The following GSAP variants were observed in gnomAD, a reference collection of about 807,000 sequenced individuals.
GSAP encodes the protein gamma-secretase activating protein, also known as gamma-secretase-activating protein.
In GSAP, 118 loss-of-function variants were observed where a neutral mutation model predicts 131.7. That is an observed-to-expected ratio of 0.90 (90% confidence interval 0.77 to 1.04). The LOEUF (loss-of-function observed/expected upper bound fraction) is 1.04, where lower values mean the gene tolerates loss of function less well. Among genes scored for constraint, GSAP ranks in the 50% least tolerant of loss-of-function variants. The probability of loss-of-function intolerance (pLI) is 0.00; values close to 1 mark genes in which losing one functional copy is unlikely to be tolerated. For synonymous variants in GSAP, 381 were observed against 363.4 expected, an observed-to-expected ratio of 1.05 and a Z score of -0.55; for missense variants, 1,019 against 1,013.2, an observed-to-expected ratio of 1.01 and a Z score of -0.08.
At position 77,385,749 on chromosome 7, in the gene GSAP, CAG is replaced by C. The variant is rs570369537; in HGVS notation, c.456+1609_456+1610del. ...ATGCGCAGCTGAAAGGACTGGCTGA[CAG>C]GGGAGGACCCTGGGAAGAGAGAGAC... On this transcript the variant is annotated intron_variant, in intron 6 of 30. Transcript: ENST00000257626. Among the ~76,000 whole-genome samples, 289 of 152,190 alleles carry C rather than the reference CAG, an allele frequency of 1.9e-3. 11 individuals are homozygous for C. Among genetic ancestry groups the C allele is most frequent in the Admixed American group, 0.016 (251 of 15,286 alleles).
At chr7:77,376,657 G>T (rs1796911265) in intron 10 of GSAP, among the ~76,000 whole-genome samples, 191 bp downstream of exon 10, 1 of 151,424 alleles carries the variant, frequency 6.6e-6, no homozygotes, top group Non-Finnish European at 1.5e-5. Context: ...GGTGCCTGTA[G>T]TCCTAGCTAC....
chr7:77,408,400 A>G (rs989881100), intron 1 of GSAP, among the ~76,000 whole-genome samples: 2 of 152,152 alleles, frequency 1.3e-5, no homozygotes, highest in Non-Finnish European at 2.9e-5. Context: ...AATTTCCTCA[A>G]AAGTTATCCA....
intron 26 of GSAP, among the ~76,000 whole-genome samples, chr7:77,319,634 T>G (rs900279591): frequency 1.3e-5 from 2 of 152,190 alleles, no homozygotes; most frequent in Non-Finnish European, 1.5e-5. Context: ...ATAGCCAAGA[T>G]AGGGAAACAA....
rs770144248 is a variant in GSAP, at chr7:77,406,012, AAAG to A, written c.186+14_186+16del. On this transcript the variant is annotated intron_variant, in intron 2 of 30. Transcript: ENST00000257626. ...AAATTTTACATCTTACCACAATAAA[AAAG>A]AATATAGACATACCTTATAGGTATA... 98 of 879,778 alleles carry A rather than the reference AAAG, an allele frequency of 1.1e-4. No individual in the cohort carries two copies. In the African/African-American group the frequency reaches 1.4e-3, roughly 12 times the overall value. The allele number at this position is 879,778 out of a possible 1,614,324, so 54.5% of individuals were successfully genotyped here.
Position 77,320,764 on chromosome 7 carries a change from G to A in GSAP, c.2050C>T (p.Leu684=). 1 of 1,612,076 alleles carries A rather than the reference G, an allele frequency of 6.2e-7. No homozygotes were observed. The highest frequency in any genetic ancestry group is 8.5e-7 in the Non-Finnish European group (1 of 1,178,274). ...AAAAACAAACTGTTTGTAGCTTCCA[G>A]AATCCTGGTCATGATGTGAAAAACT... ...FAVFHIMTRI[L]EATNSLFLPL... The change falls in exon 26 of 31, where the codon CTG becomes TTG. Residue 684 remains leucine, a synonymous_variant. Transcript: ENST00000257626.
Position 77,311,840 on chromosome 7 carries a change from C to T in GSAP, c.2473+1G>A. ...ACCCTGAGAACAGGGGAGTAAATTA[C>T]CTTGATTGGAGGACTCTATATCTGT... On this transcript the variant is annotated splice_donor_variant, in intron 30 of 30. Coordinates refer to ENST00000257626, the MANE Select transcript of GSAP (RefSeq NM_017439.4). LOFTEE classifies it high-confidence loss of function. 1 of 1,429,248 alleles carries T rather than the reference C, an allele frequency of 7.0e-7. No individual in the cohort carries two copies. Among genetic ancestry groups the T allele is most frequent in the Non-Finnish European group, 9.9e-7 (1 of 1,011,510 alleles). The allele number at this position is 1,429,248 out of a possible 1,614,324, so 88.5% of individuals were successfully genotyped here.
At chr7:77,398,188 G>A (rs916359914) in intron 3 of GSAP, among the ~76,000 whole-genome samples, 1 of 152,132 alleles carries the variant, frequency 6.6e-6, no homozygotes, top group Admixed American at 6.6e-5. Context: ...GAAGAGAACC[G>A]ACTAAGAGAA....
intron 26 of GSAP, among the ~76,000 whole-genome samples, chr7:77,316,750 C>G (rs1795008021): frequency 6.6e-6 from 1 of 152,164 alleles, no homozygotes; most frequent in Non-Finnish European, 1.5e-5. Context: ...GTTCAGGGAC[C>G]TGTTCTTGGC....
intron 14 of GSAP, among the ~76,000 whole-genome samples, chr7:77,358,264 C>G (rs543738817): frequency 6.6e-6 from 1 of 152,334 alleles, no homozygotes; most frequent in Non-Finnish European, 1.5e-5. Context: ...ATAGTTTGAG[C>G]CCAGAGGCAG....
At chr7:77,386,513 T>C (rs1023679236) in intron 6 of GSAP, among the ~76,000 whole-genome samples, 2 of 152,166 alleles carry the variant, frequency 1.3e-5, no homozygotes, top group Admixed American at 6.5e-5. Flanking sequence ...TTGTTTTGTG[T>C]GTTTCTATTT....
intron 6 of GSAP, among the ~76,000 whole-genome samples, 157 bp downstream of exon 6, chr7:77,387,203 C>T (rs1798701535): frequency 6.6e-6 from 1 of 152,196 alleles, no homozygotes; most frequent in African/African-American, 2.4e-5. Context: ...AATTTCCATG[C>T]TTGCAAACAA....
At chr7:77,414,431 A>C (rs984815964) in intron 1 of GSAP, among the ~76,000 whole-genome samples, 2 of 152,216 alleles carry the variant, frequency 1.3e-5, no homozygotes, top group African/African-American at 4.8e-5. Flanking sequence ...CAGAGGTGAT[A>C]ATTCTCTTAG....
At chr7:77,414,635 G>C (rs1803946610) in intron 1 of GSAP, among the ~76,000 whole-genome samples, 1 of 152,090 alleles carries the variant, frequency 6.6e-6, no homozygotes, top group Admixed American at 6.5e-5. Flanking sequence ...GTCCCAGTGG[G>C]TCACACACAG....
chr7:77,333,824 G>A (rs1291001805), intron 19 of GSAP, among the ~76,000 whole-genome samples: 1 of 152,158 alleles, frequency 6.6e-6, no homozygotes, highest in East Asian at 1.9e-4. Context: ...ATGGAGGGGA[G>A]GGGAGGGGAA....
chr7:77,410,577 AAAAG>A (rs1290406435), intron 1 of GSAP, among the ~76,000 whole-genome samples: 1 of 152,244 alleles, frequency 6.6e-6, no homozygotes, highest in Non-Finnish European at 1.5e-5. Context: ...GTAAACCTAT[AAAAG>A]AAACGAGAGT....
chr7:77,329,188 G>A lies in GSAP; in HGVS notation c.1733+145C>T, dbSNP rs765491012. On this transcript the variant is annotated intron_variant, in intron 21 of 30. Transcript: ENST00000257626. ...CACCAAATTCCAGAATAGGGTCCAA[G>A]TGGCTGCATTCATGAAGCTGACAAT... 32 of 481,848 alleles carry A rather than the reference G, an allele frequency of 6.6e-5. 1 individual carries two copies. Among genetic ancestry groups the A allele is most frequent in the South Asian group, 5.6e-4 (16 of 28,444 alleles). The allele number at this position is 481,848 out of a possible 1,614,324, so 29.8% of individuals were successfully genotyped here.
intron 8 of GSAP, among the ~76,000 whole-genome samples, chr7:77,379,210 A>G (rs1355375918): frequency 6.6e-6 from 1 of 152,084 alleles, no homozygotes; most frequent in Non-Finnish European, 1.5e-5. Flanking sequence ...AGATTGTGGC[A>G]TACCCAGGTT....
At chr7:77,377,675 C>T (rs935985276) in intron 8 of GSAP, among the ~76,000 whole-genome samples, 1 of 152,158 alleles carries the variant, frequency 6.6e-6, no homozygotes, top group African/African-American at 2.4e-5. Flanking sequence ...CCACACCTCC[C>T]ACAAATCAAT....
At chr7:77,359,737 T>C (rs1445948288) in intron 14 of GSAP, among the ~76,000 whole-genome samples, 2 of 152,218 alleles carry the variant, frequency 1.3e-5, no homozygotes, top group Non-Finnish European at 2.9e-5. Flanking sequence ...GCCTGCCCTT[T>C]GCAAGTCATT....
Sources: gnomAD v4.1 joint callset for allele counts (sites outside exome capture counted in the v4.1 genomes callset) on GRCh38, gnomAD v4.1.1 for gene constraint, MANE v1.5 for transcripts, NCBI Gene and HGNC (gene_info 2026-07-23, HGNC 2026-07-21) for gene names.